PDGFC: variants seen among roughly 807,000 people sequenced by gnomAD.
The protein encoded by PDGFC is platelet-derived growth factor C.
A neutral mutation model predicts 35.5 loss-of-function variants in PDGFC; 12 were observed. That is an observed-to-expected ratio of 0.34 (90% CI 0.22 to 0.55). The LOEUF is 0.55. Among genes scored for constraint, PDGFC ranks in the 20% least tolerant of loss-of-function variants. PDGFC has a pLI of 0.91. For missense variants in PDGFC, 322 were observed against 412.4 expected, an observed-to-expected ratio of 0.78 and a Z score of 1.90; for synonymous variants, 159 against 148.8, an observed-to-expected ratio of 1.07 and a Z score of -0.50.
intron 1 of PDGFC, among the ~76,000 whole-genome samples, chr4:156,915,990 C>G (rs1305666890): frequency 6.6e-6 from 1 of 152,016 alleles, no homozygotes; most frequent in Non-Finnish European, 1.5e-5. Flanking sequence ...AGCTCTAACT[C>G]TATATTCCTT....
chr4:156,874,622 G>A (rs1214375629), intron 1 of PDGFC, among the ~76,000 whole-genome samples: 1 of 152,042 alleles, frequency 6.6e-6, no homozygotes, highest in Non-Finnish European at 1.5e-5. Context: ...CAACACACTT[G>A]AGAAAAAGGA....
At chr4:156,784,005 T>C (rs879566992) in intron 3 of PDGFC, among the ~76,000 whole-genome samples, 2 of 151,978 alleles carry the variant, frequency 1.3e-5, no homozygotes, top group Non-Finnish European at 2.9e-5. Flanking sequence ...ACAGGCAAAA[T>C]TGGTAAGAAA....
At chr4:156,817,344 C>T (rs191812926) in intron 2 of PDGFC, among the ~76,000 whole-genome samples, 2 of 151,988 alleles carry the variant, frequency 1.3e-5, no homozygotes, top group East Asian at 1.9e-4. Flanking sequence ...GAGAATAAAT[C>T]GAGAATTTAC....
At chr4:156,962,163 G>C (rs1414335886) in intron 1 of PDGFC, among the ~76,000 whole-genome samples, 1 of 152,150 alleles carries the variant, frequency 6.6e-6, no homozygotes, top group Non-Finnish European at 1.5e-5. Context: ...CAGGGCCTTT[G>C]AATGCATAGG....
chr4:156,818,862 A>G (rs1579029833), intron 2 of PDGFC, among the ~76,000 whole-genome samples: 1 of 152,162 alleles, frequency 6.6e-6, no homozygotes, highest in East Asian at 1.9e-4. Flanking sequence ...GAACTCTTAG[A>G]GGCCATTTTA....
intron 2 of PDGFC, among the ~76,000 whole-genome samples, chr4:156,818,784 G>C (rs538238996): frequency 6.6e-6 from 1 of 152,078 alleles, no homozygotes; most frequent in Non-Finnish European, 1.5e-5. Flanking sequence ...TTACAGGCTT[G>C]AGCCACCGCA....
chr4:156,861,367 AAC>A, intron 1 of PDGFC: 1 of 564,050 alleles, frequency 1.8e-6, no homozygotes, highest in South Asian at 1.7e-5. Flanking sequence ...ATGAAAGTAC[AAC>A]AGTTTCTGAT....
intron 2 of PDGFC, among the ~76,000 whole-genome samples, chr4:156,826,850 T>G (rs1728769241): frequency 6.6e-6 from 1 of 152,134 alleles, no homozygotes; most frequent in African/African-American, 2.4e-5. Flanking sequence ...ATATACAAAT[T>G]TAGGTCTTGG....
chr4:156,767,049 T>A (rs1277667454), intron 5 of PDGFC, among the ~76,000 whole-genome samples: 3 of 152,036 alleles, frequency 2.0e-5, no homozygotes, highest in African/African-American at 4.8e-5. Flanking sequence ...TTGTAGAAAT[T>A]CAAGTTGACT....
chr4:156,791,102 G>A (rs1321303480), intron 3 of PDGFC, among the ~76,000 whole-genome samples: 5 of 152,118 alleles, frequency 3.3e-5, no homozygotes, highest in Non-Finnish European at 7.3e-5. Context: ...GCAAAGCCTG[G>A]CATTTTCCCA....
intron 1 of PDGFC, among the ~76,000 whole-genome samples, chr4:156,903,390 G>A (rs1045634200): frequency 6.6e-6 from 1 of 151,898 alleles, no homozygotes; most frequent in Non-Finnish European, 1.5e-5. Context: ...ATTAAGCAAA[G>A]GTGATGGCAC....
intron 1 of PDGFC, among the ~76,000 whole-genome samples, chr4:156,934,752 T>C (rs1245897212): frequency 6.6e-6 from 1 of 152,222 alleles, no homozygotes; most frequent in East Asian, 1.9e-4. Flanking sequence ...TTTTTTATTT[T>C]GTTTTACCTT....
intron 1 of PDGFC, chr4:156,861,440 TC>T: frequency 8.1e-7 from 1 of 1,238,696 alleles, no homozygotes; most frequent in Non-Finnish European, 1.1e-6. Flanking sequence ...TTTTAAATGT[TC>T]TTTCTCCTCT....
intron 1 of PDGFC, among the ~76,000 whole-genome samples, chr4:156,929,461 C>CAA (rs34830477): frequency 4.2e-4 from 47 of 112,752 alleles, no homozygotes; most frequent in African/African-American, 1.1e-3. Context: ...GCATTCGTAG[C>CAA]AAAAAAAAAA....
At chr4:156,782,374 C>T (rs10018865) in intron 3 of PDGFC, among the ~76,000 whole-genome samples, 69,883 of 151,998 alleles carry the variant, frequency 0.46, 19,196 homozygotes, top group African/African-American at 0.77. Flanking sequence ...TGAGGCCCAC[C>T]ATGTCACTGG....
intron 3 of PDGFC, among the ~76,000 whole-genome samples, chr4:156,808,814 TAG>T (rs1731846446): frequency 1.3e-5 from 2 of 151,912 alleles, no homozygotes; most frequent in African/African-American, 4.8e-5. Context: ...TGGCTGTAAG[TAG>T]AGAGATGAAT....
At chr4:156,917,519 G>C (rs953096133) in intron 1 of PDGFC, among the ~76,000 whole-genome samples, 1 of 152,138 alleles carries the variant, frequency 6.6e-6, no homozygotes, top group Admixed American at 6.6e-5. Context: ...GTAAAATCTT[G>C]TTAAAGAAAA....
At chr4:156,779,054 A>T (rs1730910029) in intron 3 of PDGFC, 1 of 440,796 alleles carries the variant, frequency 2.3e-6, no homozygotes, top group Admixed American at 2.5e-5. Flanking sequence ...TCATTTATGT[A>T]ATGTCAAACT....
In PDGFC at chr4:156,760,584, C is replaced by CT. The variant is rs1730352545; in HGVS notation, c.*2505dup. On this transcript the variant is annotated 3_prime_UTR_variant, in exon 6 of 6. Coordinates refer to ENST00000502773, the MANE Select transcript of PDGFC (RefSeq NM_016205.3). ...GTCAATACAGTCAATACTTACTGTA[C>CT]TTCTCAGAAATTAGGGTCATGTGCT... 1 of 151,980 alleles carries CT rather than the reference C, an allele frequency of 6.6e-6. No homozygotes were observed. Among genetic ancestry groups the CT allele is most frequent in the Non-Finnish European group, 1.5e-5 (1 of 68,018 alleles). The allele number at this position is 151,980 out of a possible 1,614,324, so 9.4% of individuals were successfully genotyped here.
Sources: allele counts gnomAD v4.1 joint callset (sites outside exome capture counted in the v4.1 genomes callset), GRCh38; gene constraint gnomAD v4.1.1; transcripts MANE v1.5; gene names NCBI Gene and HGNC (gene_info 2026-07-23, HGNC 2026-07-21).